Variants in ERN2 observed in about 807,000 individuals in gnomAD.
The protein encoded by ERN2 is serine/threonine-protein kinase/endoribonuclease IRE2.
A neutral mutation model predicts 107.9 loss-of-function variants in ERN2; 111 were observed. The observed-to-expected ratio is 1.03, with a 90% CI of 0.88 to 1.20. The LOEUF is 1.20. Ranked by LOEUF, ERN2 falls within the 50% of genes most tolerant of loss-of-function variation. ERN2 has a pLI of 0.00. For missense variants in ERN2, 1,225 were observed against 1,197.9 expected, an observed-to-expected ratio of 1.02 and a Z score of -0.33; for synonymous variants, 524 against 501.7, an observed-to-expected ratio of 1.04 and a Z score of -0.59.
At chr16:23,708,240 G>A (rs1472094256) in intron 4 of ERN2, among the ~76,000 whole-genome samples, 1 of 151,604 alleles carries the variant, frequency 6.6e-6, no homozygotes, top group African/African-American at 2.4e-5. Context: ...TTTTGGATTT[G>A]TGTCCCCACA....
At chr16:23,701,163 C>T in intron 11 of ERN2, 49 bp from the exon 12 acceptor site, 1 of 1,581,280 alleles carries the variant, frequency 6.3e-7, no homozygotes, top group Non-Finnish European at 8.6e-7. Context: ...CACCAGGGAA[C>T]CCCTAACTTT....
At chr16:23,691,477 G>A in intron 19 of ERN2, 52 bp from the exon 20 acceptor site, 1 of 1,579,418 alleles carries the variant, frequency 6.3e-7, no homozygotes, top group Non-Finnish European at 8.6e-7. Context: ...AGGCCACATA[G>A]CCAGGAGTGT....
At chr16:23,692,118 T>A in intron 18 of ERN2, 28 bp from the exon 19 acceptor site, 1 of 1,612,652 alleles carries the variant, frequency 6.2e-7, no homozygotes, top group Non-Finnish European at 8.5e-7. Context: ...AGGAGGAGAG[T>A]CTGCTTCAGG....
rs200542049 is a variant in ERN2, at chr16:23,710,491, C to G, written c.233+25G>C. 3.7e-6 allele frequency: 6 copies of G among 1,613,630 alleles called. No homozygotes were observed. In the African/African-American group the frequency reaches 6.7e-5, roughly 18 times the overall value. On this transcript the variant is annotated intron_variant, in intron 3 of 21. Coordinates refer to ENST00000256797, the MANE Select transcript of ERN2 (RefSeq NM_033266.4). ...TCCCCCATCTCCCAGAAGCCTCCTC[C>G]TTAAAAGGCCCCAGGTTCACTTACT...
chr16:23,710,775 G>A lies in ERN2; in HGVS notation c.199+138C>T, dbSNP rs188419523. 22 of 824,558 alleles carry A rather than the reference G, an allele frequency of 2.7e-5. No individual in the cohort carries two copies. In the African/African-American group the frequency reaches 2.9e-4, roughly 11 times the overall value. 51.1% of individuals were successfully genotyped at this position (824,558 alleles called of 1,614,324 possible). A position where few individuals can be genotyped will look rare whatever the true frequency, so the allele number is the denominator to read the frequency against. ...AAGGTGGGTTTCTCAAGGCCACACA[G>A]CTGGTAAGCAGTGAAGCTGCCTGTA... On this transcript the variant is annotated intron_variant, in intron 2 of 21. Transcript: ENST00000256797.
Position 23,701,992 on chromosome 16 carries a change from C to CAACAAA in ERN2, c.1203+159_1203+160insTTTGTT, listed in dbSNP as rs35586747. Among the ~76,000 whole-genome samples the CAACAAA allele has an allele frequency of 2.9e-4, 43 of 150,280 alleles. 1 individual carries two copies. The highest frequency in any genetic ancestry group is 1.7e-3 in the South Asian group (8 of 4,806). On this transcript the variant is annotated intron_variant, in intron 11 of 21. Transcript: ENST00000256797. Reference sequence around the variant, plus strand: ...GCAGTAACAACAACAACAACAACAACAAGTTGTGTTGTTCCCAACAAAAAG... The same window carrying CAACAAA: ...GCAGTAACAACAACAACAACAACAACAACAAAAAGTTGTGTTGTTCCCAACAAAAAG...
rs1960225432 is a variant in ERN2, at chr16:23,704,736, A to G, written c.854+147T>C. 1.1e-5 allele frequency: 10 copies of G among 923,732 alleles called. No individual in the cohort carries two copies. In the East Asian group the frequency reaches 2.5e-4, roughly 23 times the overall value. The allele number at this position is 923,732 out of a possible 1,614,324, so 57.2% of individuals were successfully genotyped here. A position where few individuals can be genotyped will look rare whatever the true frequency, so the allele number is the denominator to read the frequency against. On this transcript the variant is annotated intron_variant, in intron 8 of 21. Coordinates refer to ENST00000256797, the MANE Select transcript of ERN2 (RefSeq NM_033266.4). ...AGAGGACACTGGTTATTTACCAACC[A>G]GTTGGGTAAGTAACCAATTTGAAAT...
Position 23,702,371 on chromosome 16 carries a change from T to A in ERN2, c.1081+19A>T. ...TTCTTTATCTTCATCTACTCCCAAT[T>A]TGAGCCAGAGGATCTCACCAATGAG... On this transcript the variant is annotated intron_variant, in intron 10 of 21. Coordinates refer to ENST00000256797, the MANE Select transcript of ERN2 (RefSeq NM_033266.4). 1.2e-6 allele frequency: 2 copies of A among 1,611,336 alleles called. No individual in the cohort carries two copies. Among genetic ancestry groups the A allele is most frequent in the Non-Finnish European group, 1.7e-6 (2 of 1,178,386 alleles).
Position 23,695,343 on chromosome 16 carries a change from C to A in ERN2, c.1657G>T (p.Glu553Ter), listed in dbSNP as rs1959768011. The A allele has an allele frequency of 6.2e-7, 1 of 1,610,100 alleles. No individual in the cohort carries two copies. Among genetic ancestry groups the A allele is most frequent in the African/African-American group, 1.3e-5 (1 of 74,988 alleles). ...TCCCGCCGAACCAGGCCAAAGCACT[C>A]GCGGAGGAGCCGCTTGACAGCCACT... is the stretch of plus-strand genomic sequence containing the variant. ...RAVAVKRLLR[E>*]CFGLVRREVQ... The change falls in exon 15 of 22, where the codon GAG becomes TAG. Residue 553 changes from glutamate (E) to a stop codon, truncating the protein, a stop_gained. Transcript: ENST00000256797. LOFTEE classifies it high-confidence loss of function.
chr16:23,710,461 A>G (rs1308357010), intron 3 of ERN2, 55 bp downstream of exon 3: 3 of 1,571,304 alleles, frequency 1.9e-6, no homozygotes, highest in Non-Finnish European at 8.8e-7. Flanking sequence ...CCAGACAACT[A>G]TGAGTCCCCC....
intron 19 of ERN2, 36 bp from the exon 20 acceptor site, chr16:23,691,461 G>T (rs111527561): frequency 0.031 from 49,405 of 1,589,604 alleles, 917 homozygotes; most frequent in Middle Eastern, 0.062. Flanking sequence ...TTGTGACCGG[G>T]GCCAGAGGCC....
In ERN2 at chr16:23,690,958, C is replaced by A; in HGVS notation, c.2654G>T (p.Arg885Leu). Residue 885 changes from arginine to leucine, a missense_variant, in exon 22 of 22, where the codon CGC becomes CTC. Physicochemically the swap from Arg to Leu is moderately radical, Grantham distance 102. Transcript: ENST00000256797. The part of the protein sequence containing the change: ...PDGFVQYFTN[R>L]FPRLLLHTHR... ...CGTGTGGAGGAGCAGCCGTGGGAAG[C>A]GGTTTGTGAAGTACTGGACGAAGCC... 6.2e-7 allele frequency: 1 copy of A among 1,614,112 alleles called. No individual in the cohort carries two copies. Among genetic ancestry groups the A allele is most frequent in the Non-Finnish European group, 8.5e-7 (1 of 1,180,030 alleles).
chr16:23,701,377 T>C (rs1020938669), intron 11 of ERN2, among the ~76,000 whole-genome samples: 6 of 152,176 alleles, frequency 3.9e-5, no homozygotes, highest in Non-Finnish European at 7.3e-5. Context: ...AATATAGATG[T>C]CCACCTCCAG....
chr16:23,700,886 G>A lies in ERN2; in HGVS notation c.1359+73C>T, dbSNP rs1040842373. ...AATCAGAGCTGGGTAGAGGGAGAGA[G>A]TTGCTGAGTGGTCTCAGAGAGGAGA... On this transcript the variant is annotated intron_variant, in intron 12 of 21. Transcript: ENST00000256797. 3.9e-6 allele frequency: 6 copies of A among 1,537,520 alleles called. No individual in the cohort carries two copies. The African/African-American group carries it at 8.2e-5, about 21-fold the overall frequency.
Position 23,695,408 on chromosome 16 carries a change from C to T in ERN2, c.1611-19G>A, listed in dbSNP as rs1219886231. On this transcript the variant is annotated intron_variant, in intron 14 of 21. Transcript: ENST00000256797. ...CTGTCCCCTGGAAAGTGGGTGATGG[C>T]GGGGGCAGGGGGGCATTCAGGGAAA... The T allele has an allele frequency of 1.8e-5, 29 of 1,569,550 alleles. No individual in the cohort carries two copies. In the South Asian group the frequency reaches 2.8e-4, roughly 15 times the overall value.
chr16:23,695,331 G>A lies in ERN2; in HGVS notation c.1669C>T (p.Leu557=), dbSNP rs1959767331. ...AGCAGTTGAACTTCCCGCCGAACCA[G>A]GCCAAAGCACTCGCGGAGGAGCCGC... The part of the protein sequence containing the change: ...VKRLLRECFG[L]VRREVQLLQE... Residue 557 remains leucine (L), a synonymous_variant, in exon 15 of 22, where the codon CTG becomes TTG. Coordinates refer to ENST00000256797, the MANE Select transcript of ERN2 (RefSeq NM_033266.4). 4 of 1,613,014 alleles carry A rather than the reference G, an allele frequency of 2.5e-6. No homozygotes were observed. The highest frequency in any genetic ancestry group is 2.5e-6 in the Non-Finnish European group (3 of 1,179,588).
At chr16:23,697,330 T>C (rs1959870793) in intron 13 of ERN2, 1 of 152,202 alleles carries the variant, frequency 6.6e-6, no homozygotes, top group Non-Finnish European at 1.5e-5. Context: ...ACCTTTGGTA[T>C]ACACTGGACT....
chr16:23,698,119 A>G (rs146547397), intron 13 of ERN2, among the ~76,000 whole-genome samples: 1 of 152,286 alleles, frequency 6.6e-6, no homozygotes, highest in East Asian at 1.9e-4. Context: ...TGCTGCTTCT[A>G]CACAGGTTGG....
At chr16:23,711,066 A>AAAG in intron 1 of ERN2, 48 bp from the exon 2 acceptor site, 1 of 1,321,398 alleles carries the variant, frequency 7.6e-7, no homozygotes, top group Non-Finnish European at 1.1e-6. Flanking sequence ...GTCTGGGACC[A>AAAG]CCCTTTGCTC....
Sources: allele counts gnomAD v4.1 joint callset (sites outside exome capture counted in the v4.1 genomes callset), GRCh38; gene constraint gnomAD v4.1.1; transcripts MANE v1.5; gene names NCBI Gene and HGNC (gene_info 2026-07-23, HGNC 2026-07-21).